Variants in LRRK1 observed in about 807,000 individuals in gnomAD.
The protein encoded by LRRK1 is leucine rich repeat kinase 1, also known as leucine-rich repeat serine/threonine-protein kinase 1.
LRRK1 carries 113 observed loss-of-function variants against 209.1 expected under a neutral mutation model. The observed-to-expected ratio is 0.54, with a 90% confidence interval of 0.46 to 0.63. The LOEUF (loss-of-function observed/expected upper bound fraction) is 0.63, where lower values mean the gene tolerates loss of function less well. Ranked by LOEUF, LRRK1 falls within the 30% of genes least tolerant of loss-of-function variation. The pLI is 0.00. For missense variants in LRRK1, 2,284 were observed against 2,632.2 expected (o/e 0.87, Z 2.89); for synonymous variants, 1,144 against 1,099.7 (o/e 1.04, Z -0.80).
rs1185923260 is a variant in LRRK1, at chr15:101,071,378, T to TG, written c.*2530_*2531insG. On this transcript the variant is annotated 3_prime_UTR_variant, in exon 34 of 34. Coordinates refer to ENST00000388948, the MANE Select transcript of LRRK1 (RefSeq NM_024652.6). ...GAGACACAGTCAAGAATCTCTGTGT[T>TG]TTTTTTGTTTTGTTTTGTTTTTGTT... is the stretch of plus-strand genomic sequence containing the variant. 1.3e-5 allele frequency: 2 copies of TG among 150,722 alleles called. No individual in the cohort carries two copies. The highest frequency in any genetic ancestry group is 3.0e-5 in the Non-Finnish European group (2 of 67,628). The allele number at this position is 150,722 out of a possible 1,614,324, so 9.3% of individuals were successfully genotyped here. A position where few individuals can be genotyped will look rare whatever the true frequency, so the allele number is the denominator to read the frequency against.
chr15:101,045,427 C>T (rs530679128), intron 20 of LRRK1, among the ~76,000 whole-genome samples: 22 of 152,150 alleles, frequency 1.4e-4, no homozygotes, highest in Admixed American at 5.2e-4. Context: ...TTATGATGAC[C>T]GAGAGTGTTC....
chr15:101,065,161 T>C (rs533172621), intron 31 of LRRK1, 191 bp from the exon 32 acceptor site: 1 of 630,222 alleles, frequency 1.6e-6, no homozygotes, highest in Non-Finnish European at 2.7e-6. Context: ...TAGATATGGC[T>C]CTGCGGAGTC....
At position 101,022,007 on chromosome 15, in the gene LRRK1, C is replaced by T; in HGVS notation, c.1852+50C>T. On this transcript the variant is annotated intron_variant, in intron 14 of 33. Coordinates refer to ENST00000388948, the MANE Select transcript of LRRK1 (RefSeq NM_024652.6). This position sits in a 1 kb window ranked among gnomAD's most constrained non-coding sequence, Gnocchi z 4.0. ...CTGCCATCACCTCTTGGAAAGACAA[C>T]TCCAGTCCACTTGTTAAGTTCTGGG... 1.5e-6 allele frequency: 2 copies of T among 1,293,958 alleles called. No individual in the cohort carries two copies. Among genetic ancestry groups the T allele is most frequent in the Non-Finnish European group, 2.2e-6 (2 of 902,054 alleles). The allele number at this position is 1,293,958 out of a possible 1,614,324, so 80.2% of individuals were successfully genotyped here. A position where few individuals can be genotyped will look rare whatever the true frequency, so the allele number is the denominator to read the frequency against.
chr15:100,926,357 C>T (rs995472935), intron 2 of LRRK1, among the ~76,000 whole-genome samples: 7 of 152,112 alleles, frequency 4.6e-5, no homozygotes, highest in African/African-American at 1.7e-4. Context: ...TCCTGCTGCT[C>T]CTCTTCGCAG....
chr15:100,928,238 C>A (rs992979141), intron 2 of LRRK1, among the ~76,000 whole-genome samples: 1 of 152,352 alleles, frequency 6.6e-6, no homozygotes, highest in Non-Finnish European at 1.5e-5. Flanking sequence ...AAAGTTAGAT[C>A]TGCCTCCACT....
intron 12 of LRRK1, among the ~76,000 whole-genome samples, chr15:101,017,727 T>G (rs1243697115): frequency 6.6e-6 from 1 of 152,162 alleles, no homozygotes; most frequent in Non-Finnish European, 1.5e-5. Flanking sequence ...GGAAAAATTG[T>G]CTTCCACAAA....
rs747771078 is a variant in LRRK1, at chr15:100,972,335, TGAGAGA to T, written c.98-1445_98-1440del. 2.1e-3 allele frequency among the ~76,000 whole-genome samples: 222 copies of T among 106,182 alleles called. 2 individuals carry two copies. Among genetic ancestry groups the T allele is most frequent in the African/African-American group, 6.1e-3 (193 of 31,880 alleles). 69.7% of individuals were successfully genotyped at this position (106,182 alleles called of 152,430 possible). On this transcript the variant is annotated intron_variant, in intron 2 of 33. Transcript: ENST00000388948. ...AATTTGGGATATATATATATATATATGAGAGAGAGAGAGAGAGAGAGAGAGAGAGTG... is the reference window on the plus strand; with the variant it reads ...AATTTGGGATATATATATATATATATGAGAGAGAGAGAGAGAGAGAGAGTG...
At chr15:101,032,028 C>T (rs747535138) in intron 20 of LRRK1, among the ~76,000 whole-genome samples, 2 of 152,226 alleles carry the variant, frequency 1.3e-5, no homozygotes, top group African/African-American at 4.8e-5. Flanking sequence ...GCCACTGCGC[C>T]GGCCTCCTCC....
At chr15:100,985,406 A>C (rs1428860935) in intron 4 of LRRK1, among the ~76,000 whole-genome samples, 2 of 152,074 alleles carry the variant, frequency 1.3e-5, no homozygotes, top group East Asian at 3.9e-4. Context: ...CGTGAGAGAC[A>C]GATAATTTTT....
intron 2 of LRRK1, among the ~76,000 whole-genome samples, chr15:100,972,363 A>AGAGAGAGT (rs1176201849): frequency 1.5e-4 from 15 of 98,498 alleles, no homozygotes; most frequent in African/African-American, 4.0e-4. Flanking sequence ...AGAGAGAGAG[A>AGAGAGAGT]GTGTGTGTGT....
chr15:100,920,735 A>G (rs891394347), intron 1 of LRRK1, among the ~76,000 whole-genome samples: 2 of 142,462 alleles, frequency 1.4e-5, no homozygotes, highest in Non-Finnish European at 3.0e-5. Context: ...CATTCTCTAT[A>G]TAGCAGCGTG....
chr15:100,975,917 G>C (rs571516364), intron 3 of LRRK1, among the ~76,000 whole-genome samples: 23 of 152,136 alleles, frequency 1.5e-4, no homozygotes, highest in African/African-American at 5.3e-4. Flanking sequence ...GTTCTTTGAA[G>C]AGATTAATAA....
intron 11 of LRRK1, 114 bp downstream of exon 11, chr15:101,014,542 G>A: frequency 2.8e-6 from 2 of 719,384 alleles, no homozygotes; most frequent in Non-Finnish European, 4.8e-6. Context: ...GCCGCCAGCT[G>A]GGGGCTTAAC....
At chr15:101,030,028 A>G (rs908692879) in intron 20 of LRRK1, among the ~76,000 whole-genome samples, 5 of 152,190 alleles carry the variant, frequency 3.3e-5, no homozygotes, top group Non-Finnish European at 7.3e-5. Flanking sequence ...TCCATATAGT[A>G]GCTGATCATT....
chr15:100,928,181 T>C (rs1225411506), intron 2 of LRRK1, among the ~76,000 whole-genome samples: 2 of 152,388 alleles, frequency 1.3e-5, no homozygotes, highest in Middle Eastern at 3.4e-3. Context: ...TAAGTACTGA[T>C]GATTTGTGTT....
At chr15:101,062,004 A>C (rs1216762435) in intron 30 of LRRK1, among the ~76,000 whole-genome samples, 1 of 152,226 alleles carries the variant, frequency 6.6e-6, no homozygotes, top group Admixed American at 6.5e-5. Context: ...TAAGCCTCAG[A>C]AATCTCAGTG....
At chr15:101,055,349 C>A in intron 27 of LRRK1, 126 bp downstream of exon 27, 1 of 913,520 alleles carries the variant, frequency 1.1e-6, no homozygotes, top group Non-Finnish European at 1.5e-6. Context: ...TTTTCTCACT[C>A]TCCCTTGCTC....
At position 100,973,959 on chromosome 15, in the gene LRRK1, C is replaced by T. The variant is rs796076773; in HGVS notation, c.253C>T (p.Leu85=). ...GGCCTGCGACCAGTGCGCGTCCCAG[C>T]TGGAAAAGGTAGGGGAGCGCCTGCC... ...EEACDQCASQ[L]EKGQLLSIPA... The change falls in exon 3 of 34, where the codon CTG becomes TTG. Residue 85 remains leucine (L), a synonymous_variant. Transcript: ENST00000388948. 2.4e-6 allele frequency: 3 copies of T among 1,250,252 alleles called. No homozygotes were observed. The highest frequency in any genetic ancestry group is 3.2e-5 in the East Asian group (1 of 31,688). The allele number at this position is 1,250,252 out of a possible 1,614,324, so 77.4% of individuals were successfully genotyped here.
At chr15:100,957,502 T>C (rs1445242061) in intron 2 of LRRK1, among the ~76,000 whole-genome samples, 1 of 148,796 alleles carries the variant, frequency 6.7e-6, no homozygotes, top group Non-Finnish European at 1.5e-5. Context: ...TATTTAAAAT[T>C]AGTACACTCT....
Sources: gnomAD v4.1 joint callset for allele counts (sites outside exome capture counted in the v4.1 genomes callset) on GRCh38, gnomAD v4.1.1 for gene constraint, Gnocchi (gnomAD v3.1) non-coding constraint, MANE v1.5 for transcripts, NCBI Gene and HGNC (gene_info 2026-07-23, HGNC 2026-07-21) for gene names.